Variants in SGMS1 observed in about 807,000 individuals in gnomAD.
SGMS1 encodes the protein sphingomyelin synthase 1.
Under a neutral mutation model 46.2 loss-of-function variants are expected in SGMS1, and 13 were observed. The ratio of observed to expected loss-of-function variants is 0.28; its 90% CI spans 0.18 to 0.45. The LOEUF (loss-of-function observed/expected upper bound fraction) is 0.45, where lower values mean the gene tolerates loss of function less well. Among genes scored for constraint, SGMS1 ranks in the 20% least tolerant of loss-of-function variants. SGMS1 has a pLI of 1.00. For synonymous variants in SGMS1, 203 were observed against 187.8 expected, an observed-to-expected ratio of 1.08 and a Z score of -0.66; for missense variants, 324 against 519.9, an observed-to-expected ratio of 0.62 and a Z score of 3.66.
chr10:50,476,388 C>A (rs1837428243), intron 3 of SGMS1, among the ~76,000 whole-genome samples: 1 of 151,716 alleles, frequency 6.6e-6, no homozygotes, highest in Non-Finnish European at 1.5e-5. Flanking sequence ...ATAAAGATAC[C>A]CAAAAATGTG....
intron 2 of SGMS1, among the ~76,000 whole-genome samples, chr10:50,556,531 C>A (rs1013602076): frequency 6.6e-6 from 1 of 152,162 alleles, no homozygotes; most frequent in African/African-American, 2.4e-5. Context: ...ACCACAGGAA[C>A]ATGTGCCAGG....
chr10:50,497,336 CTCA>C (rs1340818394), intron 3 of SGMS1, among the ~76,000 whole-genome samples: 14 of 152,200 alleles, frequency 9.2e-5, no homozygotes, highest in Admixed American at 2.6e-4. Context: ...ATGTTGAGGA[CTCA>C]TCTTTTCAAG....
chr10:50,328,754 T>G (rs1429171669), intron 7 of SGMS1, among the ~76,000 whole-genome samples: 1 of 152,222 alleles, frequency 6.6e-6, no homozygotes, highest in African/African-American at 2.4e-5. Context: ...ATGAATTTAT[T>G]CAGCATAAAG....
In SGMS1 at chr10:50,431,625, AC is replaced by A. The variant is rs536286547; in HGVS notation, c.-232+1850del. Among the ~76,000 whole-genome samples the A allele has an allele frequency of 2.5e-3, 388 of 152,184 alleles. 1 individual carries two copies. The highest frequency in any genetic ancestry group is 8.9e-3 in the African/African-American group (371 of 41,510). On this transcript the variant is annotated intron_variant, in intron 6 of 10. Coordinates refer to ENST00000361781, the MANE Select transcript of SGMS1 (RefSeq NM_147156.4). Reference sequence around the variant, plus strand: ...TAAGATTTTAATCAAGCCAAGATGAACCTTAAACTGCCCAGGTTTTGTTTTG... The same window carrying A: ...TAAGATTTTAATCAAGCCAAGATGAACTTAAACTGCCCAGGTTTTGTTTTG...
At chr10:50,605,797 T>C (rs781314368) in intron 1 of SGMS1, among the ~76,000 whole-genome samples, 11 of 152,218 alleles carry the variant, frequency 7.2e-5, no homozygotes, top group Non-Finnish European at 1.2e-4. Flanking sequence ...TTTTGTTACA[T>C]GCATAGATTG....
intron 3 of SGMS1, among the ~76,000 whole-genome samples, chr10:50,505,857 C>T (rs999870528): frequency 9.2e-5 from 14 of 152,050 alleles, no homozygotes; most frequent in African/African-American, 2.9e-4. Flanking sequence ...ACCATATCTG[C>T]GGGGGGAGAG....
chr10:50,427,262 G>A (rs938799359), intron 6 of SGMS1, among the ~76,000 whole-genome samples: 8 of 152,110 alleles, frequency 5.3e-5, no homozygotes, highest in Non-Finnish European at 1.2e-4. Flanking sequence ...AGCCGGGTGT[G>A]GTGGCGGGCG....
intron 2 of SGMS1, among the ~76,000 whole-genome samples, chr10:50,541,063 C>G (rs1399278223): frequency 6.6e-6 from 1 of 152,156 alleles, no homozygotes; most frequent in Non-Finnish European, 1.5e-5. Flanking sequence ...CAGATACATT[C>G]AATTAGAAAC....
At chr10:50,327,958 A>C (rs1318542825) in intron 7 of SGMS1, 1 of 277,932 alleles carries the variant, frequency 3.6e-6, no homozygotes, top group Non-Finnish European at 6.9e-6. Flanking sequence ...TAACAACATT[A>C]GAAATGATGT....
intron 1 of SGMS1, among the ~76,000 whole-genome samples, chr10:50,599,304 T>C (rs1838626574): frequency 6.6e-6 from 1 of 152,260 alleles, no homozygotes; most frequent in Admixed American, 6.5e-5. Flanking sequence ...GCTTTTGCCC[T>C]TGCATTTTCA....
chr10:50,379,220 A>T (rs1239127581), intron 6 of SGMS1, among the ~76,000 whole-genome samples: 4 of 152,180 alleles, frequency 2.6e-5, no homozygotes, highest in Non-Finnish European at 5.9e-5. Flanking sequence ...ATGTGTGTTC[A>T]AAAGTGCAGC....
intron 2 of SGMS1, among the ~76,000 whole-genome samples, chr10:50,565,937 C>T (rs186887669): frequency 6.6e-6 from 1 of 152,210 alleles, no homozygotes; most frequent in Non-Finnish European, 1.5e-5. Flanking sequence ...ACCACACTTA[C>T]AGTGTCTGAA....
intron 6 of SGMS1, among the ~76,000 whole-genome samples, chr10:50,408,459 A>C (rs1196580781): frequency 6.7e-6 from 1 of 150,374 alleles, no homozygotes; most frequent in African/African-American, 2.5e-5. Context: ...AAAAAAACAA[A>C]ATAAAAACTT....
chr10:50,306,526 T>G lies in SGMS1; in HGVS notation c.*616A>C, dbSNP rs1005769731. On this transcript the variant is annotated 3_prime_UTR_variant, in exon 11 of 11. Coordinates refer to ENST00000361781, the MANE Select transcript of SGMS1 (RefSeq NM_147156.4). ...TTTGAAAAATAAAGTTAGGAAATAC[T>G]TAGAAAATCACTTTATAACAGAATC... is the stretch of plus-strand genomic sequence containing the variant. The G allele has an allele frequency of 6.5e-6, 1 of 152,778 alleles. No homozygotes were observed. Among genetic ancestry groups the G allele is most frequent in the Non-Finnish European group, 1.5e-5 (1 of 68,038 alleles). The allele number at this position is 152,778 out of a possible 1,614,324, so 9.5% of individuals were successfully genotyped here. A position where few individuals can be genotyped will look rare whatever the true frequency, so the allele number is the denominator to read the frequency against.
Position 50,362,513 on chromosome 10 carries a change from C to T in SGMS1, c.-231-18168G>A, listed in dbSNP as rs1052387199. Among the ~76,000 whole-genome samples, 3 of 152,194 alleles carry T rather than the reference C, an allele frequency of 2.0e-5. 1 individual carries two copies. In the South Asian group the frequency reaches 6.2e-4, roughly 32 times the overall value. ...TACTATCTGCGTAGTGTGAAATTTC[C>T]AAGCCAAGAAATTAAGGTAAATATA... On this transcript the variant is annotated intron_variant, in intron 6 of 10. Transcript: ENST00000361781.
At chr10:50,362,765 T>C (rs141469231) in intron 6 of SGMS1, among the ~76,000 whole-genome samples, 46 of 152,196 alleles carry the variant, frequency 3.0e-4, no homozygotes, top group African/African-American at 8.2e-4. Flanking sequence ...GGCTATGAAA[T>C]AAAGAATTGA....
rs576098493 is a variant in SGMS1 at position 50,480,068 on chromosome 10, G to T, written c.-497-13136C>A. On this transcript the variant is annotated intron_variant, in intron 3 of 10. Transcript: ENST00000361781. ...ATTAGTTCTTCTTTCTCATCAAACA[G>T]ACTTATTTATGACATTTTCAACCTA... Among the ~76,000 whole-genome samples, 6 of 152,008 alleles carry T rather than the reference G, an allele frequency of 3.9e-5. No homozygotes were observed. The East Asian group carries it at 9.7e-4, about 25-fold the overall frequency.
At chr10:50,465,265 A>G (rs1837315566) in intron 4 of SGMS1, among the ~76,000 whole-genome samples, 1 of 152,180 alleles carries the variant, frequency 6.6e-6, no homozygotes, top group Admixed American at 6.5e-5. Flanking sequence ...TCCATTTTGT[A>G]TTGTCTCACT....
chr10:50,510,196 T>C (rs1837741558), intron 3 of SGMS1, among the ~76,000 whole-genome samples: 2 of 152,324 alleles, frequency 1.3e-5, no homozygotes, highest in Admixed American at 1.3e-4. Flanking sequence ...ACATAATGCG[T>C]TTGAGATTCA....
Sources: allele counts gnomAD v4.1 joint callset (sites outside exome capture counted in the v4.1 genomes callset), GRCh38; gene constraint gnomAD v4.1.1; transcripts MANE v1.5; gene names NCBI Gene and HGNC (gene_info 2026-07-23, HGNC 2026-07-21).